Variants in KCNIP4 observed in about 807,000 individuals in gnomAD.
KCNIP4 encodes the protein potassium voltage-gated channel interacting protein 4.
In KCNIP4, 12 loss-of-function variants were observed where a neutral mutation model predicts 34.0. The observed-to-expected ratio is 0.35, with a 90% CI of 0.23 to 0.57. KCNIP4 has a LOEUF of 0.57. Among genes scored for constraint, KCNIP4 ranks in the 20% least tolerant of loss-of-function variants. KCNIP4 has a pLI of 0.83. For synonymous variants in KCNIP4, 124 were observed against 102.2 expected (o/e 1.21, Z -1.29); for missense variants, 238 against 311.7 (o/e 0.76, Z 1.78).
chr4:20,782,692 T>C (rs1396525367), intron 3 of KCNIP4, among the ~76,000 whole-genome samples: 1 of 152,098 alleles, frequency 6.6e-6, no homozygotes, highest in Non-Finnish European at 1.5e-5. Flanking sequence ...ATTTTTTTCC[T>C]CCTATACCTC....
At chr4:21,490,753 C>T (rs562745081) in intron 1 of KCNIP4, among the ~76,000 whole-genome samples, 14 of 152,254 alleles carry the variant, frequency 9.2e-5, no homozygotes, top group African/African-American at 3.1e-4. Flanking sequence ...AGGCTTAGTA[C>T]AGCTTGATGC....
At chr4:21,196,008 T>C (rs373535927) in intron 1 of KCNIP4, among the ~76,000 whole-genome samples, 1 of 152,246 alleles carries the variant, frequency 6.6e-6, no homozygotes, top group East Asian at 1.9e-4. Context: ...TTTCATATTT[T>C]GTTCTCTTGA....
chr4:20,958,245 T>G (rs1733506787), intron 1 of KCNIP4, among the ~76,000 whole-genome samples: 1 of 152,218 alleles, frequency 6.6e-6, no homozygotes, highest in African/African-American at 2.4e-5. Context: ...AAGTTCCTAA[T>G]GGCCAGTGAA....
intron 1 of KCNIP4, among the ~76,000 whole-genome samples, chr4:21,431,209 A>G (rs1159905131): frequency 6.6e-6 from 1 of 152,102 alleles, no homozygotes; most frequent in Non-Finnish European, 1.5e-5. Context: ...AACTGTGTCT[A>G]TGAAGATACA....
At chr4:21,897,476 A>C (rs2109414645) in intron 1 of KCNIP4, among the ~76,000 whole-genome samples, 1 of 152,308 alleles carries the variant, frequency 6.6e-6, no homozygotes, top group Non-Finnish European at 1.5e-5. Flanking sequence ...ATGTTCTTAA[A>C]ACTTTGACCT....
chr4:20,748,359 A>T (rs1560430589), intron 5 of KCNIP4, among the ~76,000 whole-genome samples: 4 of 151,726 alleles, frequency 2.6e-5, no homozygotes. Flanking sequence ...TGTTCTCTTA[A>T]GGAGCTCCTG....
At chr4:21,218,806 GT>G (rs1757793425) in intron 1 of KCNIP4, among the ~76,000 whole-genome samples, 1 of 152,054 alleles carries the variant, frequency 6.6e-6, no homozygotes, top group South Asian at 2.1e-4. Context: ...GATTTTGATT[GT>G]TTTTATAACT....
intron 1 of KCNIP4, among the ~76,000 whole-genome samples, chr4:21,478,727 T>C (rs1466454925): frequency 6.6e-6 from 1 of 152,144 alleles, no homozygotes; most frequent in African/African-American, 2.4e-5. Flanking sequence ...TGATAAGCAG[T>C]ATAAATTTCG....
intron 1 of KCNIP4, among the ~76,000 whole-genome samples, chr4:21,583,480 T>C (rs902548730): frequency 1.1e-4 from 17 of 151,952 alleles, no homozygotes; most frequent in Admixed American, 6.6e-5. Flanking sequence ...ATGGTAGCTA[T>C]TAAGGTTGAG....
chr4:20,797,404 T>C (rs1450990265), intron 3 of KCNIP4, among the ~76,000 whole-genome samples: 5 of 152,140 alleles, frequency 3.3e-5, no homozygotes, highest in Admixed American at 2.0e-4. Context: ...CATGGTATGG[T>C]AGGAAAAGAA....
chr4:21,038,268 C>T (rs1282390997), intron 1 of KCNIP4, among the ~76,000 whole-genome samples: 1 of 152,202 alleles, frequency 6.6e-6, no homozygotes, highest in Non-Finnish European at 1.5e-5. Context: ...AGCCACCATG[C>T]CCGGCCAAAA....
chr4:21,169,390 A>C (rs1421305040), intron 1 of KCNIP4, among the ~76,000 whole-genome samples: 2 of 151,922 alleles, frequency 1.3e-5, no homozygotes, highest in African/African-American at 4.8e-5. Context: ...GGGCTCAAGC[A>C]ACCCTCCCTC....
intron 2 of KCNIP4, among the ~76,000 whole-genome samples, chr4:20,873,305 G>A (rs1262369991): frequency 6.6e-6 from 1 of 152,170 alleles, no homozygotes; most frequent in Admixed American, 6.5e-5. Flanking sequence ...AGTGGAGGTT[G>A]TAATTGTACC....
In KCNIP4 at chr4:20,821,924, G is replaced by T. The variant is rs532695188; in HGVS notation, c.288+28619C>A. On this transcript the variant is annotated intron_variant, in intron 3 of 8. Transcript: ENST00000382152. ...ACACACACATTTTCTTTATCCACTT[G>T]TTTGATGGGCACTTACGGTTCCACA... Among the ~76,000 whole-genome samples the T allele has an allele frequency of 2.4e-4, 37 of 151,606 alleles. No individual in the cohort carries two copies. In the South Asian group the frequency reaches 7.3e-3, roughly 30 times the overall value.
At chr4:21,611,837 G>A (rs543038870) in intron 1 of KCNIP4, among the ~76,000 whole-genome samples, 2 of 152,184 alleles carry the variant, frequency 1.3e-5, no homozygotes, top group Admixed American at 6.5e-5. Context: ...TTAGAGAGAC[G>A]GAAAGGTACA....
chr4:21,441,101 C>T (rs1368331276), intron 1 of KCNIP4, among the ~76,000 whole-genome samples: 1 of 151,514 alleles, frequency 6.6e-6, no homozygotes, highest in Non-Finnish European at 1.5e-5. Context: ...CTCACTGCTT[C>T]AGGGTCTTCT....
intron 1 of KCNIP4, among the ~76,000 whole-genome samples, chr4:21,690,757 C>T (rs1044466697): frequency 1.3e-5 from 2 of 152,102 alleles, no homozygotes; most frequent in South Asian, 2.1e-4. Flanking sequence ...AAACCATAGC[C>T]GTATCTCACT....
intron 5 of KCNIP4, among the ~76,000 whole-genome samples, chr4:20,746,367 T>C (rs575926840): frequency 1.3e-5 from 2 of 151,482 alleles, no homozygotes; most frequent in Non-Finnish European, 2.9e-5. Context: ...CACCAGGGCA[T>C]GTCGGAGGGT....
intron 1 of KCNIP4, among the ~76,000 whole-genome samples, chr4:20,933,572 C>CA (rs1253402193): frequency 6.6e-6 from 1 of 152,206 alleles, no homozygotes; most frequent in East Asian, 1.9e-4. Context: ...TGATTATCCA[C>CA]AATTTCTTAT....
Sources: gnomAD v4.1 joint callset for allele counts (sites outside exome capture counted in the v4.1 genomes callset) on GRCh38, gnomAD v4.1.1 for gene constraint, MANE v1.5 for transcripts, NCBI Gene and HGNC (gene_info 2026-07-23, HGNC 2026-07-21) for gene names.